Variants in N4BP2 observed in about 807,000 individuals in gnomAD.
The protein encoded by N4BP2 is NEDD4-binding protein 2.
Under a neutral mutation model 152.8 loss-of-function variants are expected in N4BP2, and 91 were observed. That is an observed-to-expected ratio of 0.60 (90% CI 0.50 to 0.71). The LOEUF (loss-of-function observed/expected upper bound fraction) is 0.71, where lower values mean the gene tolerates loss of function less well. Ranked by LOEUF, N4BP2 falls within the 30% of genes least tolerant of loss-of-function variation. The pLI, the probability that N4BP2 is intolerant of heterozygous loss-of-function variation, is 0.00. For synonymous variants in N4BP2, 646 were observed against 705.3 expected (o/e 0.92, Z 1.33); for missense variants, 1,923 against 2,059.1 (o/e 0.93, Z 1.28).
In N4BP2 at chr4:40,122,082, T is replaced by G. The variant is rs148430797; in HGVS notation, c.3971T>G (p.Phe1324Cys). 52 of 1,566,622 alleles carry G rather than the reference T, an allele frequency of 3.3e-5. No individual in the cohort carries two copies. Among genetic ancestry groups the G allele is most frequent in the Non-Finnish European group, 4.3e-5 (50 of 1,154,954 alleles). ...AATTTTCCAAAGGATTATGTGAAAT[T>G]TTCAGATGAAGAAGAATTTATGAAT... ...NENFPKDYVKFSDEEEFMNED... is the reference protein window; with the variant it reads ...NENFPKDYVKCSDEEEFMNED... The change falls in exon 9 of 18, where the codon TTT (phenylalanine) becomes TGT (cysteine). Residue 1324 changes from phenylalanine to cysteine, a missense_variant. Phe to Cys is a radical substitution (Grantham distance 205, BLOSUM62 -2). Transcript: ENST00000261435.
chr4:40,142,150 G>C (rs1160174158), intron 14 of N4BP2: 1 of 166,706 alleles, frequency 6.0e-6, no homozygotes, highest in Non-Finnish European at 1.3e-5. Flanking sequence ...GGGAGGGAGA[G>C]GGAGAGGGAG....
In N4BP2 at chr4:40,111,949, G is replaced by A. The variant is rs986925122; in HGVS notation, c.1499-135G>A. 1.1e-5 allele frequency: 6 copies of A among 561,272 alleles called. No individual in the cohort carries two copies. In the Admixed American group the frequency reaches 2.1e-4, roughly 20 times the overall value. The allele number at this position is 561,272 out of a possible 1,614,324, so 34.8% of individuals were successfully genotyped here. ...CTTACTTAATTTTTATGTCCTCAAA[G>A]GGATATTTAGAAGTTGAGCAGTGAG... On this transcript the variant is annotated intron_variant, in intron 5 of 17. Transcript: ENST00000261435.
chr4:40,095,361 G>T (rs1292158825), intron 2 of N4BP2, among the ~76,000 whole-genome samples: 1 of 152,196 alleles, frequency 6.6e-6, no homozygotes, highest in African/African-American at 2.4e-5. Context: ...GATTACAGGC[G>T]TGAGCCATAA....
chr4:40,141,144 C>T (rs1055084619), intron 14 of N4BP2, among the ~76,000 whole-genome samples: 7 of 152,028 alleles, frequency 4.6e-5, no homozygotes, highest in Non-Finnish European at 8.8e-5. Flanking sequence ...CAGAGGGGCT[C>T]CTCACCTCCC....
intron 5 of N4BP2, among the ~76,000 whole-genome samples, chr4:40,110,867 G>A (rs1230093478): frequency 2.0e-5 from 3 of 152,014 alleles, no homozygotes; most frequent in African/African-American, 7.2e-5. Context: ...TTGGTTCTTT[G>A]TTTCTTCATT....
chr4:40,137,861 C>A (rs1719546383), intron 14 of N4BP2, among the ~76,000 whole-genome samples: 1 of 152,154 alleles, frequency 6.6e-6, no homozygotes, highest in Admixed American at 6.5e-5. Flanking sequence ...ATAGGGACTT[C>A]CCCTGGTTGT....
the N4BP2 span, among the ~76,000 whole-genome samples, chr4:40,163,422 T>C: frequency 6.6e-6 from 1 of 152,348 alleles, no homozygotes; most frequent in African/African-American, 2.4e-5. Flanking sequence ...GAATTTTGAT[T>C]GGTGGAAAAG....
chr4:40,099,849 G>A (rs997437131), intron 3 of N4BP2, among the ~76,000 whole-genome samples: 6 of 151,744 alleles, frequency 4.0e-5, no homozygotes, highest in East Asian at 1.9e-4. Context: ...TTACTGTCAT[G>A]TAGATTTTTT....
chr4:40,094,095 T>A (rs1327361722), intron 2 of N4BP2, among the ~76,000 whole-genome samples: 3 of 152,340 alleles, frequency 2.0e-5, no homozygotes, highest in East Asian at 3.8e-4. Context: ...TATTATATTT[T>A]AAAAATTTTT....
chr4:40,152,758 C>T lies in N4BP2; in HGVS notation c.5144-22C>T, dbSNP rs148534038. The T allele has an allele frequency of 5.3e-4, 856 of 1,612,510 alleles. 5 individuals are homozygous for T. In the African/African-American group the frequency reaches 9.8e-3, roughly 18 times the overall value. Reference sequence around the variant, plus strand: ...AATGTAAGATAAATGAATTTTAACTCCCCTGATTTCTGTTGTAACAGAATT... The same window carrying T: ...AATGTAAGATAAATGAATTTTAACTTCCCTGATTTCTGTTGTAACAGAATT... On this transcript the variant is annotated intron_variant, in intron 16 of 17. Coordinates refer to ENST00000261435, the MANE Select transcript of N4BP2 (RefSeq NM_018177.6).
At position 40,119,979 on chromosome 4, in the gene N4BP2, T is replaced by C. The variant is rs1163979522; in HGVS notation, c.1868T>C (p.Leu623Ser). 6.6e-7 allele frequency: 1 copy of C among 1,519,272 alleles called. No individual in the cohort carries two copies. The allele number at this position is 1,519,272 out of a possible 1,614,324, so 94.1% of individuals were successfully genotyped here. The stretch of plus-strand genomic sequence containing the variant: ...ATCTCTGAAAAAGAAGAAAATATTT[T>C]ATCTTTATCTTTGAAGCATCTAGAG... Reference protein sequence around the residue: ...DIISEKEENILSLSLKHLEFT... With the variant: ...DIISEKEENISSLSLKHLEFT... Residue 623 changes from leucine (L) to serine (S), a missense_variant, in exon 9 of 18, where the codon TTA (leucine) becomes TCA (serine). By Grantham distance (145) the Leu-to-Ser change is moderately radical. Coordinates refer to ENST00000261435, the MANE Select transcript of N4BP2 (RefSeq NM_018177.6).
chr4:40,161,906 G>T (rs192400326), downstream of N4BP2, among the ~76,000 whole-genome samples: 1 of 152,292 alleles, frequency 6.6e-6, no homozygotes, highest in African/African-American at 2.4e-5. Flanking sequence ...TACGTCTGCC[G>T]TAATTTAAAG....
At chr4:40,163,760 T>C in the N4BP2 span, among the ~76,000 whole-genome samples, 1 of 152,212 alleles carries the variant, frequency 6.6e-6, no homozygotes, top group African/African-American at 2.4e-5. Context: ...AACTGACCTT[T>C]AGTGGCCTTG....
chr4:40,079,253 T>G (rs988813679), intron 2 of N4BP2, among the ~76,000 whole-genome samples: 3 of 151,998 alleles, frequency 2.0e-5, no homozygotes, highest in African/African-American at 2.4e-5. Flanking sequence ...ATTGATGATG[T>G]GGTTTTCAGT....
At chr4:40,177,919 C>G in the N4BP2 span, among the ~76,000 whole-genome samples, 1 of 152,044 alleles carries the variant, frequency 6.6e-6, no homozygotes, top group South Asian at 2.1e-4. Context: ...AAAATAGTCT[C>G]AAATAAATGC....
chr4:40,084,241 G>T (rs191265484), intron 2 of N4BP2, among the ~76,000 whole-genome samples: 1 of 152,110 alleles, frequency 6.6e-6, no homozygotes, highest in Non-Finnish European at 1.5e-5. Flanking sequence ...GTGAGCCACC[G>T]CACCCAGCTT....
chr4:40,067,372 A>T, intron 1 of N4BP2, among the ~76,000 whole-genome samples: 1 of 144,338 alleles, frequency 6.9e-6, no homozygotes. Flanking sequence ...TTTTTTTTTA[A>T]GGCTGAATAA....
In N4BP2 at chr4:40,126,236, T is replaced by C; in HGVS notation, c.4433T>C (p.Leu1478Pro). 2 of 1,607,604 alleles carry C rather than the reference T, an allele frequency of 1.2e-6. No homozygotes were observed. The highest frequency in any genetic ancestry group is 2.2e-5 in the East Asian group (1 of 44,606). ...AAGACTTTAACAGCATCTGAAATGC[T>C]ACCTTTATTGGATCATTGGAATACT... ...LLKTLTASEM[L>P]PLLDHWNTQT... is the part of the protein sequence containing the mutation. The change falls in exon 12 of 18, where the codon CTA becomes CCA. Residue 1478 changes from leucine (L) to proline (P), a missense_variant. Coordinates refer to ENST00000261435, the MANE Select transcript of N4BP2 (RefSeq NM_018177.6).
At chr4:40,058,146 T>A (rs1733372416) in intron 1 of N4BP2, among the ~76,000 whole-genome samples, 1 of 152,180 alleles carries the variant, frequency 6.6e-6, no homozygotes. Context: ...ATTAAAAAAA[T>A]GTTTTCTTTT....
Sources: allele counts gnomAD v4.1 joint callset (sites outside exome capture counted in the v4.1 genomes callset), GRCh38; gene constraint gnomAD v4.1.1; transcripts MANE v1.5; gene names NCBI Gene and HGNC (gene_info 2026-07-23, HGNC 2026-07-21).